The following MLLT3 variants were observed in gnomAD, a reference collection of about 807,000 sequenced individuals.
MLLT3 encodes protein AF-9.
MLLT3 carries 4 observed loss-of-function variants against 53.2 expected under a neutral mutation model. That is an observed-to-expected ratio of 0.08 (90% confidence interval 0.04 to 0.17). MLLT3 has a LOEUF of 0.17. MLLT3 is among the 10% of genes least tolerant of loss of function. The pLI is 1.00. For missense variants in MLLT3, 569 were observed against 684.0 expected (o/e 0.83, Z 1.87); for synonymous variants, 283 against 230.6 (o/e 1.23, Z -2.06).
intron 2 of MLLT3, among the ~76,000 whole-genome samples, chr9:20,573,508 C>T (rs1819583795): frequency 6.6e-6 from 1 of 151,866 alleles, no homozygotes; most frequent in South Asian, 2.1e-4. Flanking sequence ...ACCACTAAGA[C>T]ATAATACAAA....
intron 5 of MLLT3, among the ~76,000 whole-genome samples, chr9:20,367,213 A>C (rs1183118361): frequency 6.6e-6 from 1 of 152,162 alleles, no homozygotes; most frequent in African/African-American, 2.4e-5. Context: ...TTCTAACCAG[A>C]AAGTTCCACA....
intron 5 of MLLT3, among the ~76,000 whole-genome samples, chr9:20,381,038 T>C (rs1352276245): frequency 1.3e-5 from 2 of 151,950 alleles, no homozygotes; most frequent in Non-Finnish European, 2.9e-5. Flanking sequence ...TGCTCTAAAA[T>C]ATAATATACT....
At chr9:20,421,194 G>A (rs1320472229) in intron 4 of MLLT3, among the ~76,000 whole-genome samples, 1 of 152,100 alleles carries the variant, frequency 6.6e-6, no homozygotes, top group African/African-American at 2.4e-5. Context: ...AACCTGGGAG[G>A]TGGAGGTTTC....
rs369220946 is a variant in MLLT3 at position 20,571,424 on chromosome 9, TA to T, written c.193+49229del. ...TATAAGCAACTCAATTCAATAACAA[TA>T]AAAAAAACCTGATTTTATGTATTTT... is the stretch of plus-strand genomic sequence containing the variant. On this transcript the variant is annotated intron_variant, in intron 2 of 10. Coordinates refer to ENST00000380338, the MANE Select transcript of MLLT3 (RefSeq NM_004529.4). Among the ~76,000 whole-genome samples the T allele has an allele frequency of 5.3e-3, 803 of 152,118 alleles. 4 individuals carry two copies. The highest frequency in any genetic ancestry group is 0.018 in the African/African-American group (730 of 41,510).
intron 5 of MLLT3, among the ~76,000 whole-genome samples, chr9:20,399,684 C>T (rs1420718580): frequency 6.6e-6 from 1 of 151,932 alleles, no homozygotes; most frequent in Non-Finnish European, 1.5e-5. Flanking sequence ...TAATATTTTA[C>T]GATGACTAAA....
intron 2 of MLLT3, among the ~76,000 whole-genome samples, chr9:20,517,410 C>T (rs138051796): frequency 2.0e-5 from 3 of 149,400 alleles, no homozygotes; most frequent in African/African-American, 7.4e-5. Flanking sequence ...TAAAAGGAAC[C>T]AAGGTTTTTT....
At chr9:20,500,893 T>C (rs1355367949) in intron 2 of MLLT3, among the ~76,000 whole-genome samples, 1 of 152,212 alleles carries the variant, frequency 6.6e-6, no homozygotes, top group African/African-American at 2.4e-5. Flanking sequence ...TTAAGTTCAA[T>C]GCCCAGAAAC....
At position 20,506,359 on chromosome 9, in the gene MLLT3, C is replaced by A. The variant is rs556025592; in HGVS notation, c.194-49573G>T. Among the ~76,000 whole-genome samples the A allele has an allele frequency of 3.3e-5, 5 of 152,292 alleles. No homozygotes were observed. The East Asian group carries it at 9.7e-4, about 29-fold the overall frequency. On this transcript the variant is annotated intron_variant, in intron 2 of 10. Coordinates refer to ENST00000380338, the MANE Select transcript of MLLT3 (RefSeq NM_004529.4). The stretch of plus-strand genomic sequence containing the variant: ...CCCGGCCCCTGCTTTTTCAAGAGAA[C>A]TGGCTGATGAGCTTCCTGGGACCAC...
Position 20,414,347 on chromosome 9 carries a change from T to C in MLLT3, c.499A>G (p.Ser167Gly). Reference protein sequence around the residue: ...SSSSSSSSSSSSSSSSSSSSS... With the variant: ...SSSSSSSSSSGSSSSSSSSSS... ...CTGCTGCTGCTGCTGCTGCTGCTAC[T>C]GCTGCTGCTGCTGCTGCTGCTGCTG... is the stretch of plus-strand genomic sequence containing the variant. The change falls in exon 5 of 11, where the codon AGT (serine) becomes GGT (glycine). Residue 167 changes from serine (S) to glycine (G), a missense_variant. Ser to Gly is a moderately conservative substitution (Grantham distance 56). This residue lies in a region of MLLT3 where 39 missense variants were observed against 68.8 expected (regional missense o/e 0.57). Coordinates refer to ENST00000380338, the MANE Select transcript of MLLT3 (RefSeq NM_004529.4). 2.0e-6 allele frequency: 3 copies of C among 1,476,698 alleles called. No individual in the cohort carries two copies. Among genetic ancestry groups the C allele is most frequent in the Non-Finnish European group, 2.7e-6 (3 of 1,095,556 alleles). The allele number at this position is 1,476,698 out of a possible 1,614,324, so 91.5% of individuals were successfully genotyped here.
At chr9:20,466,368 T>C (rs1033445703) in intron 2 of MLLT3, among the ~76,000 whole-genome samples, 1 of 152,090 alleles carries the variant, frequency 6.6e-6, no homozygotes, top group Non-Finnish European at 1.5e-5. Flanking sequence ...CCCCTTAACA[T>C]TATGTGAAAA....
chr9:20,457,730 T>TTTTA (rs1228078878), intron 2 of MLLT3, among the ~76,000 whole-genome samples: 1 of 152,196 alleles, frequency 6.6e-6, no homozygotes, highest in Non-Finnish European at 1.5e-5. Flanking sequence ...ACAATAAGGC[T>TTTTA]TTTATTTCTC....
chr9:20,361,720 G>A (rs927495903), intron 7 of MLLT3, among the ~76,000 whole-genome samples: 3 of 152,080 alleles, frequency 2.0e-5, no homozygotes, highest in African/African-American at 7.2e-5. Context: ...ATCCACAATA[G>A]GAGAGATTTA....
At chr9:20,542,344 A>C (rs960111164) in intron 2 of MLLT3, among the ~76,000 whole-genome samples, 1 of 143,700 alleles carries the variant, frequency 7.0e-6, no homozygotes, top group South Asian at 2.2e-4. Flanking sequence ...TCCGCTTCCC[A>C]GGTTCACGCC....
At chr9:20,608,446 G>C (rs1421829989) in intron 2 of MLLT3, among the ~76,000 whole-genome samples, 1 of 151,634 alleles carries the variant, frequency 6.6e-6, no homozygotes, top group Non-Finnish European at 1.5e-5. Context: ...ATTACACATG[G>C]GTATCTTTCT....
At chr9:20,412,992 G>A (rs1822767274) in intron 5 of MLLT3, among the ~76,000 whole-genome samples, 1 of 152,062 alleles carries the variant, frequency 6.6e-6, no homozygotes, top group East Asian at 1.9e-4. Context: ...GGAATTAGAT[G>A]GTCAGATGCT....
At chr9:20,482,945 C>G (rs1049717709) in intron 2 of MLLT3, among the ~76,000 whole-genome samples, 4 of 152,164 alleles carry the variant, frequency 2.6e-5, no homozygotes, top group African/African-American at 9.7e-5. Flanking sequence ...CTTCCACCCT[C>G]TTGTCCTAGC....
chr9:20,570,853 A>T (rs1029205401), intron 2 of MLLT3, among the ~76,000 whole-genome samples: 1 of 151,938 alleles, frequency 6.6e-6, no homozygotes, highest in Non-Finnish European at 1.5e-5. Context: ...CTAACTTCCC[A>T]CTTAGAAAAG....
chr9:20,522,005 C>T (rs1212253619), intron 2 of MLLT3, among the ~76,000 whole-genome samples: 1 of 115,014 alleles, frequency 8.7e-6, no homozygotes, highest in African/African-American at 3.3e-5. Flanking sequence ...TTGACTGTCA[C>T]AGTTTTTTTT....
At position 20,346,073 on chromosome 9, in the gene MLLT3, T is replaced by C; in HGVS notation, c.*370A>G. The C allele has an allele frequency of 3.9e-6, 1 of 255,302 alleles. No individual in the cohort carries two copies. The highest frequency in any genetic ancestry group is 2.2e-5 in the African/African-American group (1 of 45,620). 15.8% of individuals were successfully genotyped at this position (255,302 alleles called of 1,614,324 possible). On this transcript the variant is annotated 3_prime_UTR_variant, in exon 11 of 11. Transcript: ENST00000380338. ...ATGTAATAAGGCAGTGTGTTGAATA[T>C]GCATTCGTCCTGTGGAATGAACCAC...
Sources: gnomAD v4.1 joint callset for allele counts (sites outside exome capture counted in the v4.1 genomes callset) on GRCh38, gnomAD v4.1.1 for gene constraint, gnomAD v4.1.1 regional missense constraint, MANE v1.5 for transcripts, NCBI Gene and HGNC (gene_info 2026-07-23, HGNC 2026-07-21) for gene names.